Variants in ZFHX3 observed in about 807,000 individuals in gnomAD.
ZFHX3 encodes zinc finger homeobox protein 3.
ZFHX3 carries 42 observed loss-of-function variants against 279.1 expected under a neutral mutation model. The ratio of observed to expected loss-of-function variants is 0.15; its 90% confidence interval spans 0.12 to 0.19. The LOEUF (loss-of-function observed/expected upper bound fraction) is 0.19, where lower values mean the gene tolerates loss of function less well. Ranked by LOEUF, ZFHX3 falls within the 10% of genes least tolerant of loss-of-function variation. The pLI is 1.00. For synonymous variants in ZFHX3, 2,293 were observed against 1,957.8 expected, an observed-to-expected ratio of 1.17 and a Z score of -4.52; for missense variants, 4,981 against 4,754.0, an observed-to-expected ratio of 1.05 and a Z score of -1.40.
At chr16:73,817,514 G>C (rs1280854470) in intron 1 of ZFHX3, among the ~76,000 whole-genome samples, 1 of 152,156 alleles carries the variant, frequency 6.6e-6, no homozygotes, top group African/African-American at 2.4e-5. Context: ...CTAACGGCGA[G>C]TCTTAAAATC....
Position 72,958,715 on chromosome 16 carries a change from T to TTCC in ZFHX3, c.1428_1430dup (p.Glu487dup), listed in dbSNP as rs759206019. On this transcript the variant is annotated inframe_insertion, in exon 2 of 10. Coordinates refer to ENST00000268489, the MANE Select transcript of ZFHX3 (RefSeq NM_006885.4). ...CCTCCTCTTCTTCCTCCTCCTCTTC[T>TTCC]TCCTCCTCCTCCTCCGCCTCTTCCT... is the stretch of plus-strand genomic sequence containing the variant. The TTCC allele has an allele frequency of 2.5e-6, 4 of 1,611,924 alleles. No individual in the cohort carries two copies. Among genetic ancestry groups the TTCC allele is most frequent in the African/African-American group, 1.3e-5 (1 of 74,782 alleles).
rs78025059 is a variant in ZFHX3, at chr16:72,940,689, C to A, written c.3216+9780G>T. Among the ~76,000 whole-genome samples the A allele has an allele frequency of 4.0e-4, 61 of 152,340 alleles. 1 individual carries two copies. The highest frequency in any genetic ancestry group is 1.5e-3 in the African/African-American group (61 of 41,570). ...CCTTCAGCAACCCCAGTGCACAGGCCGGCCCTGCCAAGGCAATGTGGGTAT... is the reference window on the plus strand; with the variant it reads ...CCTTCAGCAACCCCAGTGCACAGGCAGGCCCTGCCAAGGCAATGTGGGTAT... On this transcript the variant is annotated intron_variant, in intron 3 of 9. Transcript: ENST00000268489.
chr16:73,707,485 C>T (rs2053315683), intron 1 of ZFHX3, among the ~76,000 whole-genome samples: 1 of 149,028 alleles, frequency 6.7e-6, no homozygotes, highest in Non-Finnish European at 1.5e-5. Flanking sequence ...CAAACTATCT[C>T]AAGGACAAAA....
At chr16:73,325,982 G>A (rs1475245512) in intron 3 of ZFHX3, among the ~76,000 whole-genome samples, 1 of 151,256 alleles carries the variant, frequency 6.6e-6, no homozygotes, top group Non-Finnish European at 1.5e-5. Context: ...GTCAGCTGAG[G>A]CTATATCGTG....
In ZFHX3 at chr16:72,917,967, C is replaced by T. The variant is rs574517911; in HGVS notation, c.3217-28005G>A. On this transcript the variant is annotated intron_variant, in intron 3 of 9. Coordinates refer to ENST00000268489, the MANE Select transcript of ZFHX3 (RefSeq NM_006885.4). Reference sequence around the variant, plus strand: ...GCCCACTGAGTCAATGGAATAAACACGATGAAGAAAAACAGCAATAAATGT... The same window carrying T: ...GCCCACTGAGTCAATGGAATAAACATGATGAAGAAAAACAGCAATAAATGT... Among the ~76,000 whole-genome samples, 10 of 152,250 alleles carry T rather than the reference C, an allele frequency of 6.6e-5. 1 individual carries two copies. The South Asian group carries it at 1.7e-3, about 25-fold the overall frequency.
chr16:72,972,353 A>C (rs1410301628), intron 1 of ZFHX3, among the ~76,000 whole-genome samples: 2 of 152,158 alleles, frequency 1.3e-5, no homozygotes, highest in African/African-American at 2.4e-5. Context: ...TTACACTGCC[A>C]GTTCAGAAGA....
chr16:73,135,931 C>A (rs1215280531), intron 6 of ZFHX3, among the ~76,000 whole-genome samples: 1 of 151,596 alleles, frequency 6.6e-6, no homozygotes, highest in African/African-American at 2.4e-5. Context: ...GATCTCGGCT[C>A]ACTGCAACCT....
rs184551046 is a variant in ZFHX3 at position 72,835,026 on chromosome 16, T to G, written c.3449-5167A>C. Among the ~76,000 whole-genome samples, 3 of 152,204 alleles carry G rather than the reference T, an allele frequency of 2.0e-5. No homozygotes were observed. In the East Asian group the frequency reaches 5.8e-4, roughly 29 times the overall value. ...CATAGTGCCTCAGTGTGACAGAAATTTGGAAATTCTCCTAAGAATCAGGGT... is the reference window on the plus strand; with the variant it reads ...CATAGTGCCTCAGTGTGACAGAAATGTGGAAATTCTCCTAAGAATCAGGGT... On this transcript the variant is annotated intron_variant, in intron 4 of 9. Coordinates refer to ENST00000268489, the MANE Select transcript of ZFHX3 (RefSeq NM_006885.4).
At chr16:73,374,978 T>C (rs1054880374) in intron 3 of ZFHX3, among the ~76,000 whole-genome samples, 1 of 152,246 alleles carries the variant, frequency 6.6e-6, no homozygotes, top group Non-Finnish European at 1.5e-5. Flanking sequence ...TTTCTTGATG[T>C]GAATAGTTAT....
rs13334523 is a variant in ZFHX3, at chr16:73,615,926, A to G, written c.-1547+64254T>C. Reference sequence around the variant, plus strand: ...TGCTTTTTTAAACTAGCCGTATGGAAAAACGGAATCTTCACGTGGGCTAAA... The same window carrying G: ...TGCTTTTTTAAACTAGCCGTATGGAGAAACGGAATCTTCACGTGGGCTAAA... On this transcript the variant is annotated intron_variant, in intron 2 of 17. Coordinates refer to the ZFHX3 transcript ENST00000641206. 2.4e-3 allele frequency among the ~76,000 whole-genome samples: 367 copies of G among 152,338 alleles called. 2 individuals carry two copies. The highest frequency in any genetic ancestry group is 8.3e-3 in the African/African-American group (343 of 41,570).
intron 1 of ZFHX3, among the ~76,000 whole-genome samples, chr16:73,890,151 A>C (rs2030481064): frequency 6.6e-6 from 1 of 152,046 alleles, no homozygotes; most frequent in Non-Finnish European, 1.5e-5. Flanking sequence ...TTTGACTTCT[A>C]AAATAAATAA....
At chr16:73,668,308 T>C (rs114442550) in intron 2 of ZFHX3, among the ~76,000 whole-genome samples, 1,598 of 149,930 alleles carry the variant, frequency 0.011, 37 homozygotes, top group African/African-American at 0.037. Flanking sequence ...TGTATTTTCT[T>C]TTTTTTTTTA....
intron 3 of ZFHX3, among the ~76,000 whole-genome samples, chr16:73,327,485 T>A (rs571707634): frequency 6.6e-6 from 1 of 152,310 alleles, no homozygotes; most frequent in South Asian, 2.1e-4. Context: ...TGACCAATGG[T>A]TGGATGAAAG....
intron 1 of ZFHX3, among the ~76,000 whole-genome samples, chr16:73,694,571 C>T (rs1013363411): frequency 3.3e-5 from 5 of 151,936 alleles, no homozygotes; most frequent in Admixed American, 6.5e-5. Context: ...CTTGAACTCC[C>T]GACCTCGTGA....
At chr16:73,428,041 A>T (rs1281869130) in intron 3 of ZFHX3, among the ~76,000 whole-genome samples, 1 of 152,174 alleles carries the variant, frequency 6.6e-6, no homozygotes, top group East Asian at 1.9e-4. Context: ...ATGCATGCAC[A>T]CACGTAGACA....
intron 5 of ZFHX3, among the ~76,000 whole-genome samples, chr16:73,157,656 A>T (rs980542324): frequency 1.3e-5 from 2 of 152,042 alleles, no homozygotes; most frequent in Non-Finnish European, 2.9e-5. Flanking sequence ...TTAAATCTGA[A>T]TTGGATGGGA....
At chr16:73,413,157 C>A (rs531852348) in intron 3 of ZFHX3, among the ~76,000 whole-genome samples, 2 of 152,164 alleles carry the variant, frequency 1.3e-5, no homozygotes, top group Admixed American at 6.5e-5. Context: ...GGACTAGAGA[C>A]ATTCTTATGA....
intron 1 of ZFHX3, among the ~76,000 whole-genome samples, chr16:73,858,437 C>G (rs1295731022): frequency 6.6e-6 from 1 of 152,148 alleles, no homozygotes; most frequent in Non-Finnish European, 1.5e-5. Context: ...GAGCTGAGTT[C>G]TTCAGCACTG....
chr16:72,872,548 C>G (rs968743402), intron 4 of ZFHX3, among the ~76,000 whole-genome samples: 2 of 152,124 alleles, frequency 1.3e-5, no homozygotes, highest in Admixed American at 1.3e-4. Context: ...ACCTCCGTCT[C>G]CCGGGTTCAA....
Sources: gnomAD v4.1 joint callset for allele counts (sites outside exome capture counted in the v4.1 genomes callset) on GRCh38, gnomAD v4.1.1 for gene constraint, MANE v1.5 for transcripts, NCBI Gene and HGNC (gene_info 2026-07-23, HGNC 2026-07-21) for gene names.